The following LRRC8C variants were observed in gnomAD, a reference collection of about 807,000 sequenced individuals.
The protein encoded by LRRC8C is leucine rich repeat containing 8 VRAC subunit C.
In LRRC8C, 20 loss-of-function variants were observed where a neutral mutation model predicts 55.3. That is an observed-to-expected ratio of 0.36 (90% CI 0.25 to 0.53). The LOEUF is 0.53. Among genes scored for constraint, LRRC8C ranks in the 20% least tolerant of loss-of-function variants. LRRC8C has a pLI of 0.92. For synonymous variants in LRRC8C, 376 were observed against 360.7 expected (o/e 1.04, Z -0.48); for missense variants, 659 against 951.4 (o/e 0.69, Z 4.04).
chr1:89,693,119 C>A (rs1412651541), intron 2 of LRRC8C, among the ~76,000 whole-genome samples: 1 of 152,148 alleles, frequency 6.6e-6, no homozygotes, highest in Non-Finnish European at 1.5e-5. Context: ...ACAAAGCCAC[C>A]TACAAAAAAA....
At position 89,714,155 on chromosome 1, in the gene LRRC8C, A is replaced by G; in HGVS notation, c.1585A>G (p.Ile529Val). 1.2e-6 allele frequency: 2 copies of G among 1,614,140 alleles called. No homozygotes were observed. Among genetic ancestry groups the G allele is most frequent in the Non-Finnish European group, 8.5e-7 (1 of 1,180,024 alleles). Residue 529 changes from isoleucine to valine, a missense_variant, in exon 3 of 3, where the codon ATT (isoleucine) becomes GTT (valine). Around this residue, in one of 5 missense-constraint regions of LRRC8C, gnomAD observed 344 missense variants for 464.6 expected, o/e 0.74. Transcript: ENST00000370454. This position sits in a 1 kb window ranked among gnomAD's most constrained non-coding sequence, Gnocchi z 4.6. Reference sequence around the variant, plus strand: ...CCTAGTTGGCTCTCTAAGTCATGATATTTCCAGAAATGTCACCCTTGAGTC... The same window carrying G: ...CCTAGTTGGCTCTCTAAGTCATGATGTTTCCAGAAATGTCACCCTTGAGTC... ...LYLVGSLSHDISRNVTLESLR... is the reference protein window; with the variant it reads ...LYLVGSLSHDVSRNVTLESLR...
intron 2 of LRRC8C, among the ~76,000 whole-genome samples, chr1:89,695,307 T>G (rs1422047369): frequency 6.6e-6 from 1 of 152,212 alleles, no homozygotes; most frequent in Non-Finnish European, 1.5e-5. Context: ...AAGAAGTGTT[T>G]GAACTACTGG....
chr1:89,650,039 C>A (rs919741215), intron 1 of LRRC8C, among the ~76,000 whole-genome samples: 1 of 151,998 alleles, frequency 6.6e-6, no homozygotes, highest in Non-Finnish European at 1.5e-5. Flanking sequence ...ACTCACTGAC[C>A]AAAAATATAG....
intron 2 of LRRC8C, among the ~76,000 whole-genome samples, chr1:89,711,704 G>A (rs899163984): frequency 1.3e-5 from 2 of 152,168 alleles, no homozygotes; most frequent in African/African-American, 4.8e-5. Flanking sequence ...TGAGTCTGCT[G>A]GACATTCTTA....
intron 2 of LRRC8C, among the ~76,000 whole-genome samples, chr1:89,691,304 T>C (rs1454058083): frequency 6.6e-6 from 1 of 152,152 alleles, no homozygotes; most frequent in Non-Finnish European, 1.5e-5. Context: ...TCTCAAAGAA[T>C]GAATATACAA....
At position 89,659,057 on chromosome 1, in the gene LRRC8C, TTTTTTGTGTGTGTGTG is replaced by T. The variant is rs1225284433; in HGVS notation, c.-5+25737_-5+25752del. Among the ~76,000 whole-genome samples, 39 of 81,660 alleles carry T rather than the reference TTTTTTGTGTGTGTGTG, an allele frequency of 4.8e-4. 3 individuals are homozygous for T. The highest frequency in any genetic ancestry group is 1.5e-3 in the East Asian group (6 of 3,920). The allele number at this position is 81,660 out of a possible 152,430, so 53.6% of individuals were successfully genotyped here. A position where few individuals can be genotyped will look rare whatever the true frequency, so the allele number is the denominator to read the frequency against. On this transcript the variant is annotated intron_variant, in intron 1 of 2. Transcript: ENST00000370454. ...GTTGTGTCTTCTCCAGGTTTTTTTT[TTTTTTGTGTGTGTGTG>T]TGTGTGTGTGTGTGTGTGTGTGTGT...
intron 1 of LRRC8C, among the ~76,000 whole-genome samples, chr1:89,649,271 T>C (rs932909146): frequency 9.2e-5 from 14 of 152,214 alleles, no homozygotes; most frequent in Non-Finnish European, 1.6e-4. Context: ...GGAATATCAA[T>C]TGAACTTCAA....
intron 1 of LRRC8C, among the ~76,000 whole-genome samples, chr1:89,675,381 C>G (rs896540179): frequency 1.3e-5 from 2 of 152,214 alleles, no homozygotes; most frequent in African/African-American, 4.8e-5. Flanking sequence ...GCACCCTCCT[C>G]TCCTTGCTGC....
chr1:89,698,697 T>C (rs748185246), intron 2 of LRRC8C, among the ~76,000 whole-genome samples: 9 of 152,112 alleles, frequency 5.9e-5, no homozygotes, highest in Non-Finnish European at 1.3e-4. Flanking sequence ...TGGATTTTTT[T>C]CCCCAAGCAC....
chr1:89,673,783 A>G (rs770085035), intron 1 of LRRC8C, among the ~76,000 whole-genome samples: 33 of 152,346 alleles, frequency 2.2e-4, no homozygotes, highest in Non-Finnish European at 3.4e-4. Flanking sequence ...GGGAAGACCA[A>G]TGTAAATCCA....
At position 89,637,817 on chromosome 1, in the gene LRRC8C, C is replaced by T. The variant is rs139819654; in HGVS notation, c.-5+4495C>T. The stretch of plus-strand genomic sequence containing the variant: ...TTTCCAATAGCAGGCATAAGACAAA[C>T]AAAACCTTAGACTCTCTACTTAGGA... On this transcript the variant is annotated intron_variant, in intron 1 of 2. Coordinates refer to ENST00000370454, the MANE Select transcript of LRRC8C (RefSeq NM_032270.5). Among the ~76,000 whole-genome samples the T allele has an allele frequency of 6.6e-5, 10 of 152,238 alleles. No homozygotes were observed. The East Asian group carries it at 1.2e-3, about 18-fold the overall frequency.
chr1:89,684,052 T>C (rs1657800942), intron 1 of LRRC8C, among the ~76,000 whole-genome samples: 1 of 152,142 alleles, frequency 6.6e-6, no homozygotes, highest in South Asian at 2.1e-4. Flanking sequence ...ATGATGTATC[T>C]TGATGGATGA....
chr1:89,713,846 C>T lies in LRRC8C; in HGVS notation c.1276C>T (p.Leu426=), dbSNP rs1658723380. 1 of 1,614,074 alleles carries T rather than the reference C, an allele frequency of 6.2e-7. No homozygotes were observed. The highest frequency in any genetic ancestry group is 1.1e-5 in the South Asian group (1 of 91,092). The part of the protein sequence containing the change: ...QKLQTNAHNR[L]ELPLIMLSGL... ...GCTACAGACAAATGCCCATAATCGA[C>T]TGGAATTGCCTCTTATCATGCTCTC... Residue 426 remains leucine, a synonymous_variant, in exon 3 of 3, where the codon CTG becomes TTG. Coordinates refer to ENST00000370454, the MANE Select transcript of LRRC8C (RefSeq NM_032270.5). The surrounding 1 kb of genome is among the most constrained non-coding windows in gnomAD (Gnocchi z 5.2).
chr1:89,703,612 G>T (rs1401511081), intron 2 of LRRC8C, among the ~76,000 whole-genome samples: 2 of 151,466 alleles, frequency 1.3e-5, no homozygotes, highest in East Asian at 3.9e-4. Flanking sequence ...AATTGGTATA[G>T]TTCAGTGGGT....
chr1:89,620,525 A>T, the LRRC8C span, among the ~76,000 whole-genome samples: 1 of 151,740 alleles, frequency 6.6e-6, no homozygotes, highest in Non-Finnish European at 1.5e-5. Flanking sequence ...TAAACCCATC[A>T]GAGCCATGTG....
chr1:89,648,389 A>T (rs900029628), intron 1 of LRRC8C, among the ~76,000 whole-genome samples: 1 of 152,204 alleles, frequency 6.6e-6, no homozygotes, highest in Non-Finnish European at 1.5e-5. Context: ...AAGAACAGAC[A>T]CTAGTTATAA....
chr1:89,698,779 A>T (rs372793067), intron 2 of LRRC8C, among the ~76,000 whole-genome samples: 30 of 152,228 alleles, frequency 2.0e-4, no homozygotes, highest in African/African-American at 6.3e-4. Flanking sequence ...ATAGGCAACT[A>T]ATAAAAACAG....
intron 1 of LRRC8C, among the ~76,000 whole-genome samples, chr1:89,675,867 A>G (rs901677510): frequency 1.3e-5 from 2 of 152,230 alleles, no homozygotes; most frequent in Non-Finnish European, 2.9e-5. Flanking sequence ...AGTAAGATGC[A>G]GAGAGCTGAG....
At chr1:89,621,773 A>T in the LRRC8C span, among the ~76,000 whole-genome samples, 1 of 152,230 alleles carries the variant, frequency 6.6e-6, no homozygotes, top group Admixed American at 6.5e-5. Flanking sequence ...AAGACACTCA[A>T]CATCTCTTGG....
Sources: gnomAD v4.1 joint callset for allele counts (sites outside exome capture counted in the v4.1 genomes callset) on GRCh38, gnomAD v4.1.1 for gene constraint, gnomAD v4.1.1 regional missense constraint, Gnocchi (gnomAD v3.1) non-coding constraint, MANE v1.5 for transcripts, NCBI Gene and HGNC (gene_info 2026-07-23, HGNC 2026-07-21) for gene names.